ARSB: variants seen among roughly 807,000 people sequenced by gnomAD.
ARSB encodes arylsulfatase B, also known as N-acetylgalactosamine-4-sulfatase.
In ARSB, 41 loss-of-function variants were observed where a neutral mutation model predicts 50.9. The observed-to-expected ratio is 0.81, with a 90% CI of 0.63 to 1.04. The LOEUF is 1.04. Ranked by LOEUF, ARSB falls within the 50% of genes least tolerant of loss-of-function variation. The pLI is 0.00. For synonymous variants in ARSB, 269 were observed against 284.8 expected, an observed-to-expected ratio of 0.94 and a Z score of 0.56; for missense variants, 672 against 693.3, an observed-to-expected ratio of 0.97 and a Z score of 0.35.
rs184271302 is a variant in ARSB at position 78,949,897 on chromosome 5, G to A, written c.898+5398C>T. Among the ~76,000 whole-genome samples, 365 of 152,180 alleles carry A rather than the reference G, an allele frequency of 2.4e-3. 1 individual carries two copies. Among genetic ancestry groups the A allele is most frequent in the African/African-American group, 8.4e-3 (350 of 41,536 alleles). ...TGTACTCCAGCCTGAGTGACAGAGC[G>A]AGACTCCATCTCAAAAAAAACAAAA... On this transcript the variant is annotated intron_variant, in intron 4 of 7. Transcript: ENST00000264914.
intron 6 of ARSB, among the ~76,000 whole-genome samples, chr5:78,808,549 G>A (rs931668643): frequency 2.0e-5 from 3 of 152,130 alleles, no homozygotes; most frequent in Admixed American, 6.5e-5. Flanking sequence ...TCTAGAGCAC[G>A]TAGCTGGCAC....
chr5:78,853,193 G>A (rs1745932262), intron 5 of ARSB, among the ~76,000 whole-genome samples: 1 of 152,114 alleles, frequency 6.6e-6, no homozygotes, highest in Non-Finnish European at 1.5e-5. Context: ...GGCTTTATCT[G>A]CTTTTGGTCT....
rs561975521 is a variant in ARSB at position 78,826,191 on chromosome 5, C to A, written c.1213+13165G>T. 9.2e-5 allele frequency among the ~76,000 whole-genome samples: 14 copies of A among 152,106 alleles called. 1 individual carries two copies. In the South Asian group the frequency reaches 2.9e-3, roughly 32 times the overall value. On this transcript the variant is annotated intron_variant, in intron 6 of 7. Coordinates refer to ENST00000264914, the MANE Select transcript of ARSB (RefSeq NM_000046.5). ...CCTCCCAAGCAGCTGGGACTACAGG[C>A]GTGCACCACCATGCCTGACTACTTT...
chr5:78,813,211 T>C (rs1199031733), intron 6 of ARSB, among the ~76,000 whole-genome samples: 1 of 151,998 alleles, frequency 6.6e-6, no homozygotes, highest in Non-Finnish European at 1.5e-5. Flanking sequence ...ATTACAGGCA[T>C]GTGCCACCAC....
intron 5 of ARSB, among the ~76,000 whole-genome samples, chr5:78,855,637 A>C (rs1746101989): frequency 6.6e-6 from 1 of 152,144 alleles, no homozygotes; most frequent in Non-Finnish European, 1.5e-5. Context: ...CAGGGTGTGG[A>C]TCATAGTATT....
At chr5:78,810,622 G>T (rs546608736) in intron 6 of ARSB, among the ~76,000 whole-genome samples, 1 of 152,328 alleles carries the variant, frequency 6.6e-6, no homozygotes, top group African/African-American at 2.4e-5. Flanking sequence ...CTTTAACCAT[G>T]AAACTTGAAT....
intron 4 of ARSB, among the ~76,000 whole-genome samples, chr5:78,914,152 A>C (rs1749440487): frequency 1.3e-5 from 2 of 151,770 alleles, no homozygotes; most frequent in Non-Finnish European, 2.9e-5. Flanking sequence ...TTTTTTCGAG[A>C]CAGGGTCTCA....
In ARSB at chr5:78,779,764, G is replaced by A. The variant is rs1267762278; in HGVS notation, c.*633C>T. On this transcript the variant is annotated 3_prime_UTR_variant, in exon 8 of 8. Coordinates refer to ENST00000264914, the MANE Select transcript of ARSB (RefSeq NM_000046.5). ...TCTAGACAGAGTGAGCAATGGCTGG[G>A]GGGAAATAAATTACGATAAAAACAC... 1 of 153,956 alleles carries A rather than the reference G, an allele frequency of 6.5e-6. No homozygotes were observed. Among genetic ancestry groups the A allele is most frequent in the Non-Finnish European group, 1.4e-5 (1 of 69,390 alleles). 9.5% of individuals were successfully genotyped at this position (153,956 alleles called of 1,614,324 possible).
intron 6 of ARSB, among the ~76,000 whole-genome samples, chr5:78,792,733 T>A (rs1012339564): frequency 2.0e-5 from 3 of 152,130 alleles, no homozygotes; most frequent in African/African-American, 7.2e-5. Flanking sequence ...GTGGTCGCCA[T>A]AAGCCCAGGC....
chr5:78,834,456 C>A (rs995611702), intron 6 of ARSB, among the ~76,000 whole-genome samples: 9 of 151,658 alleles, frequency 5.9e-5, no homozygotes, highest in African/African-American at 2.2e-4. Context: ...ATGAATCTGA[C>A]CACTTTAGGT....
intron 6 of ARSB, among the ~76,000 whole-genome samples, chr5:78,801,580 A>C (rs1743394763): frequency 6.6e-6 from 1 of 152,196 alleles, no homozygotes; most frequent in Non-Finnish European, 1.5e-5. Context: ...GCTAGGAATA[A>C]AACTGAAACT....
chr5:78,937,379 T>C (rs1238447660), intron 4 of ARSB, among the ~76,000 whole-genome samples: 1 of 144,786 alleles, frequency 6.9e-6, no homozygotes, highest in East Asian at 2.0e-4. Context: ...ATATGTAAGA[T>C]ATATATATCA....
At chr5:78,982,923 T>C (rs2112573235) in intron 1 of ARSB, among the ~76,000 whole-genome samples, 1 of 152,306 alleles carries the variant, frequency 6.6e-6, no homozygotes, top group Admixed American at 6.5e-5. Flanking sequence ...GTGCCCAGCT[T>C]CTCTACTCAT....
At chr5:78,849,144 C>T (rs1660921363) in intron 5 of ARSB, among the ~76,000 whole-genome samples, 1 of 152,046 alleles carries the variant, frequency 6.6e-6, no homozygotes, top group South Asian at 2.1e-4. Flanking sequence ...CTTGCCCATG[C>T]CTATGTCCTG....
intron 5 of ARSB, among the ~76,000 whole-genome samples, chr5:78,871,969 GA>G (rs1272662776): frequency 6.6e-6 from 1 of 151,480 alleles, no homozygotes; most frequent in Non-Finnish European, 1.5e-5. Flanking sequence ...CAAATTACAA[GA>G]AAAAAACAAA....
At chr5:78,955,912 G>A (rs1360338370) in intron 3 of ARSB, among the ~76,000 whole-genome samples, 1 of 152,160 alleles carries the variant, frequency 6.6e-6, no homozygotes, top group African/African-American at 2.4e-5. Flanking sequence ...GGAGAAATTG[G>A]AACTGTCATT....
intron 5 of ARSB, among the ~76,000 whole-genome samples, chr5:78,867,775 G>A (rs1163866452): frequency 1.1e-4 from 17 of 151,710 alleles, no homozygotes; most frequent in African/African-American, 2.4e-4. Context: ...CCAAAGGAAC[G>A]CAGTTCCTCA....
intron 5 of ARSB, among the ~76,000 whole-genome samples, chr5:78,849,837 T>C (rs76949853): frequency 0.22 from 31,643 of 145,634 alleles, 3,237 homozygotes; most frequent in Admixed American, 0.29. Context: ...TGAATGGGAG[T>C]TCACTCATGA....
chr5:78,845,398 G>C (rs1445737646), intron 5 of ARSB, among the ~76,000 whole-genome samples: 1 of 152,056 alleles, frequency 6.6e-6, no homozygotes, highest in African/African-American at 2.4e-5. Flanking sequence ...ATACCCAGTA[G>C]CGGGATTGCT....
Sources: gnomAD v4.1 joint callset for allele counts (sites outside exome capture counted in the v4.1 genomes callset) on GRCh38, gnomAD v4.1.1 for gene constraint, MANE v1.5 for transcripts, NCBI Gene and HGNC (gene_info 2026-07-23, HGNC 2026-07-21) for gene names.